PCDH15: variants seen among roughly 807,000 people sequenced by gnomAD.
PCDH15 encodes the protein protocadherin-15.
Under a neutral mutation model 178.5 loss-of-function variants are expected in PCDH15, and 129 were observed. The ratio of observed to expected loss-of-function variants is 0.72; its 90% CI spans 0.63 to 0.84. The LOEUF is 0.84. Among genes scored for constraint, PCDH15 ranks in the 40% least tolerant of loss-of-function variants. The probability of loss-of-function intolerance (pLI) is 0.00; values close to 1 mark genes in which losing one functional copy is unlikely to be tolerated. For missense variants in PCDH15, 2,230 were observed against 2,099.9 expected, an observed-to-expected ratio of 1.06 and a Z score of -1.21; for synonymous variants, 800 against 732.0, an observed-to-expected ratio of 1.09 and a Z score of -1.50.
Position 54,195,931 on chromosome 10 carries a change from C to T in PCDH15, c.1099-42G>A, listed in dbSNP as rs573964923. On this transcript the variant is annotated intron_variant, in intron 10 of 37. Coordinates refer to ENST00000644397, the MANE Select transcript of PCDH15 (RefSeq NM_001384140.1). ...AAGAAAATATTTAGAAAGTATATGT[C>T]GTGCTATCTTTTTGGAGTTTCACTT... The T allele has an allele frequency of 2.7e-5, 42 of 1,564,480 alleles. No individual in the cohort carries two copies. In the South Asian group the frequency reaches 3.7e-4, roughly 14 times the overall value.
intron 1 of PCDH15, among the ~76,000 whole-genome samples, chr10:54,681,761 A>G (rs147149063): frequency 6.6e-6 from 1 of 152,328 alleles, no homozygotes; most frequent in East Asian, 1.9e-4. Flanking sequence ...CAATGAGTCC[A>G]TGAACTTGGC....
At chr10:53,978,836 T>C (rs1032776859) in intron 21 of PCDH15, among the ~76,000 whole-genome samples, 8 of 152,126 alleles carry the variant, frequency 5.3e-5, no homozygotes, top group African/African-American at 1.7e-4. Flanking sequence ...TGCGTCTCTA[T>C]GCATAGCAAG....
intron 16 of PCDH15, among the ~76,000 whole-genome samples, chr10:54,082,895 A>G (rs1259765007): frequency 6.6e-6 from 1 of 152,134 alleles, no homozygotes; most frequent in Non-Finnish European, 1.5e-5. Flanking sequence ...AAAGGATTAC[A>G]TAACTTAACA....
intron 2 of PCDH15, among the ~76,000 whole-genome samples, chr10:55,589,201 A>G (rs1266991824): frequency 1.3e-5 from 2 of 152,064 alleles, no homozygotes; most frequent in African/African-American, 4.8e-5. Context: ...CTAACGTTTA[A>G]GTCTTTAATC....
chr10:53,900,872 A>G (rs1417513426), intron 26 of PCDH15, among the ~76,000 whole-genome samples: 2 of 152,088 alleles, frequency 1.3e-5, no homozygotes, highest in East Asian at 3.9e-4. Flanking sequence ...ATGCCTTTTG[A>G]GTAATCTCCT....
At chr10:55,339,022 C>T (rs2131951097) in intron 2 of PCDH15, among the ~76,000 whole-genome samples, 1 of 152,084 alleles carries the variant, frequency 6.6e-6, no homozygotes, top group Admixed American at 6.6e-5. Context: ...GATAGGATGG[C>T]TAGTGGGTAC....
intron 25 of PCDH15, among the ~76,000 whole-genome samples, chr10:53,936,695 T>C (rs2085606186): frequency 6.6e-6 from 1 of 152,174 alleles, no homozygotes; most frequent in Admixed American, 6.5e-5. Context: ...ACATCATGGT[T>C]GCACAATTTA....
chr10:55,601,467 GAGA>G (rs1843075194), intron 2 of PCDH15, among the ~76,000 whole-genome samples: 1 of 152,116 alleles, frequency 6.6e-6, no homozygotes, highest in African/African-American at 2.4e-5. Context: ...CAGGAGCCAG[GAGA>G]AGTAGATTTA....
intron 1 of PCDH15, among the ~76,000 whole-genome samples, chr10:55,259,195 T>C (rs1229920012): frequency 6.6e-6 from 1 of 152,080 alleles, no homozygotes; most frequent in Non-Finnish European, 1.5e-5. Context: ...AACTAGAAAG[T>C]TCAACACAAG....
chr10:55,236,104 T>G (rs1841379221), intron 1 of PCDH15, among the ~76,000 whole-genome samples: 1 of 152,002 alleles, frequency 6.6e-6, no homozygotes, highest in Non-Finnish European at 1.5e-5. Flanking sequence ...TTTTTTTTCT[T>G]AATTTGAAAG....
Position 54,288,057 on chromosome 10 carries a change from C to T in PCDH15, c.876+29214G>A, listed in dbSNP as rs150369471. ...GAGAGAGAAAGGCCAGGTGTGGTGGCTCATGCCTGTAATCTCAGCACTTTG... is the reference window on the plus strand; with the variant it reads ...GAGAGAGAAAGGCCAGGTGTGGTGGTTCATGCCTGTAATCTCAGCACTTTG... On this transcript the variant is annotated intron_variant, in intron 8 of 37. Transcript: ENST00000644397. Among the ~76,000 whole-genome samples the T allele has an allele frequency of 2.8e-3, 422 of 152,222 alleles. 16 individuals are homozygous for T. In the East Asian group the frequency reaches 0.077, roughly 28 times the overall value.
At chr10:55,489,256 T>C (rs1221620109) in intron 2 of PCDH15, among the ~76,000 whole-genome samples, 2 of 151,594 alleles carry the variant, frequency 1.3e-5, no homozygotes, top group South Asian at 2.1e-4. Flanking sequence ...GTCATTTAAA[T>C]AGTGATTACA....
intron 2 of PCDH15, among the ~76,000 whole-genome samples, chr10:55,548,230 A>G (rs1841933727): frequency 6.6e-6 from 1 of 151,362 alleles, no homozygotes; most frequent in South Asian, 2.1e-4. Context: ...ACACACACAC[A>G]CACACACACA....
chr10:55,530,945 GT>G (rs762951375), intron 2 of PCDH15, among the ~76,000 whole-genome samples: 1 of 151,872 alleles, frequency 6.6e-6, no homozygotes, highest in Non-Finnish European at 1.5e-5. Flanking sequence ...CTGGTAACTT[GT>G]TTTAGGCTGA....
At chr10:54,034,087 T>C (rs1488296325) in intron 18 of PCDH15, among the ~76,000 whole-genome samples, 1 of 151,956 alleles carries the variant, frequency 6.6e-6, no homozygotes, top group Non-Finnish European at 1.5e-5. Flanking sequence ...TGAAATTCTA[T>C]ACAATTAAAT....
At chr10:54,010,796 C>T (rs373638877) in intron 20 of PCDH15, among the ~76,000 whole-genome samples, 1 of 152,282 alleles carries the variant, frequency 6.6e-6, no homozygotes, top group East Asian at 1.9e-4. Flanking sequence ...GCCCCCACCT[C>T]TCACTCTTTA....
chr10:55,004,882 C>T (rs906314507), intron 2 of PCDH15, among the ~76,000 whole-genome samples: 1 of 152,048 alleles, frequency 6.6e-6, no homozygotes. Context: ...GGGGATAGTT[C>T]CAGTATTAAA....
intron 2 of PCDH15, among the ~76,000 whole-genome samples, chr10:54,642,751 T>C (rs1462608086): frequency 1.3e-5 from 2 of 152,144 alleles, no homozygotes; most frequent in African/African-American, 2.4e-5. Flanking sequence ...TTATTGAAAA[T>C]TTATTGAATA....
intron 8 of PCDH15, among the ~76,000 whole-genome samples, chr10:54,245,315 T>G (rs1236563306): frequency 6.6e-6 from 1 of 152,166 alleles, no homozygotes; most frequent in African/African-American, 2.4e-5. Context: ...CCAAGTGGTT[T>G]TATCATTTTA....
Sources: allele counts gnomAD v4.1 joint callset (sites outside exome capture counted in the v4.1 genomes callset), GRCh38; gene constraint gnomAD v4.1.1; transcripts MANE v1.5; gene names NCBI Gene and HGNC (gene_info 2026-07-23, HGNC 2026-07-21).